Variants in ZNF408 observed in about 807,000 individuals in gnomAD.
ZNF408 encodes the protein PR domain zinc finger protein 17.
Under a neutral mutation model 27.6 loss-of-function variants are expected in ZNF408, and 24 were observed. That is an observed-to-expected ratio of 0.87 (90% CI 0.63 to 1.22). The LOEUF is 1.22. Ranked by LOEUF, ZNF408 falls within the 50% of genes most tolerant of loss-of-function variation. The pLI, the probability that ZNF408 is intolerant of heterozygous loss-of-function variation, is 0.00. For missense variants in ZNF408, 897 were observed against 949.0 expected, an observed-to-expected ratio of 0.95 and a Z score of 0.72; for synonymous variants, 410 against 396.1, an observed-to-expected ratio of 1.04 and a Z score of -0.42.
rs118012896 is a variant in ZNF408, at chr11:46,705,344, G to A, written c.1644G>A (p.Gly548=). 1.1e-4 allele frequency: 177 copies of A among 1,611,052 alleles called. 1 individual carries two copies. In the East Asian group the frequency reaches 3.1e-3, roughly 28 times the overall value. Reference sequence around the variant, plus strand: ...GGCGCCATCTCATCTCACACACCGGGGAGGCCCACTTGTGCCCGGTGTGTG... The same window carrying A: ...GGCGCCATCTCATCTCACACACCGGAGAGGCCCACTTGTGCCCGGTGTGTG... ...ELRRHLISHT[G]EAHLCPVCGK... is the part of the protein sequence containing the mutation. Residue 548 remains glycine, a synonymous_variant, in exon 5 of 5, where the codon GGG becomes GGA. Coordinates refer to ENST00000311764, the MANE Select transcript of ZNF408 (RefSeq NM_024741.3). This position sits in a 1 kb window ranked among gnomAD's most constrained non-coding sequence, Gnocchi z 6.5.
rs1401128860 is a variant in ZNF408, at chr11:46,701,065, G to T, written c.18G>T (p.Glu6Asp). The change falls in exon 1 of 5, where the codon GAG becomes GAT. Residue 6 changes from glutamate to aspartate, a missense_variant. Glu to Asp is a conservative substitution (Grantham distance 45). Transcript: ENST00000311764. ...GACCCGGAATGGAGGAGGCGGAGGA[G>T]CTGCTCTTGGAGGGGAAGAAGGCGC... The part of the protein sequence containing the change: MEEAE[E>D]LLLEGKKALQ... 6.2e-7 allele frequency: 1 copy of T among 1,614,180 alleles called. No individual in the cohort carries two copies. The highest frequency in any genetic ancestry group is 8.5e-7 in the Non-Finnish European group (1 of 1,180,030).
chr11:46,703,748 TG>T (rs1424597977), intron 4 of ZNF408, among the ~76,000 whole-genome samples: 9 of 119,826 alleles, frequency 7.5e-5, no homozygotes, highest in African/African-American at 1.3e-4. Flanking sequence ...TTTGTTTTGT[TG>T]TTGTTGTTGT....
intron 3 of ZNF408, 33 bp from the exon 4 acceptor site, chr11:46,702,951 C>T (rs748526701): frequency 1.2e-6 from 2 of 1,610,962 alleles, no homozygotes; most frequent in South Asian, 1.1e-5. Flanking sequence ...GAATAGTGAG[C>T]ATCTCCTAGC....
At chr11:46,703,762 TTGTTG>T (rs2064728916) in intron 4 of ZNF408, among the ~76,000 whole-genome samples, 1 of 77,642 alleles carries the variant, frequency 1.3e-5, no homozygotes, top group Non-Finnish European at 2.5e-5. Flanking sequence ...GTTGTTGTTG[TTGTTG>T]TTGTTTTTTT....
At chr11:46,704,255 AG>A in intron 4 of ZNF408, 97 bp from the exon 5 acceptor site, 3 of 1,312,834 alleles carry the variant, frequency 2.3e-6, no homozygotes, top group Admixed American at 4.6e-5. Context: ...TCTAAGGCTC[AG>A]GGGCTGGGTG....
intron 1 of ZNF408, 41 bp downstream of exon 1, chr11:46,701,140 A>T: frequency 2.5e-6 from 4 of 1,613,940 alleles, no homozygotes; most frequent in Non-Finnish European, 3.4e-6. Flanking sequence ...ACCTTGGCCC[A>T]GGTGGATCTG....
Position 46,704,990 on chromosome 11 carries a change from A to G in ZNF408, c.1290A>G (p.Val430=), listed in dbSNP as rs778690840. 41 of 1,613,248 alleles carry G rather than the reference A, an allele frequency of 2.5e-5. No individual in the cohort carries two copies. The highest frequency in any genetic ancestry group is 3.2e-5 in the Non-Finnish European group (38 of 1,179,976). ...GAGACCTCAAAGAGCACCAGGTGGTACATTCAGGTGCCCGGCCCTTTGCTT... is the reference window on the plus strand; with the variant it reads ...GAGACCTCAAAGAGCACCAGGTGGTGCATTCAGGTGCCCGGCCCTTTGCTT... The part of the protein sequence containing the change: ...TQRDLKEHQV[V]HSGARPFACD... The change falls in exon 5 of 5, where the codon GTA becomes GTG. Residue 430 remains valine (V), a synonymous_variant. Coordinates refer to ENST00000311764, the MANE Select transcript of ZNF408 (RefSeq NM_024741.3).
chr11:46,702,880 G>A, intron 3 of ZNF408, 104 bp from the exon 4 acceptor site: 3 of 1,595,788 alleles, frequency 1.9e-6, no homozygotes, highest in Non-Finnish European at 2.6e-6. Context: ...ATGTTCCAAA[G>A]GCACGGCGTC....
Position 46,703,234 on chromosome 11 carries a change from C to A in ZNF408, c.643C>A (p.Pro215Thr). 2 of 1,612,366 alleles carry A rather than the reference C, an allele frequency of 1.2e-6. No homozygotes were observed. The highest frequency in any genetic ancestry group is 1.7e-6 in the Non-Finnish European group (2 of 1,179,186). ...CTCCCCTGGGGAGGATGCAGCAGAA[C>A]CTTGCATAGGTATGTGTCAAATAAA... Reference protein sequence around the residue: ...VASPGEDAAEPCIDPGSQSPS... With the variant: ...VASPGEDAAETCIDPGSQSPS... Residue 215 changes from proline (P) to threonine (T), a missense_variant, in exon 4 of 5, where the codon CCT becomes ACT. Coordinates refer to ENST00000311764, the MANE Select transcript of ZNF408 (RefSeq NM_024741.3).
intron 1 of ZNF408, 58 bp downstream of exon 1, chr11:46,701,157 T>A: frequency 6.2e-7 from 1 of 1,613,430 alleles, no homozygotes; most frequent in Non-Finnish European, 8.5e-7. Flanking sequence ...TCTGACGCTC[T>A]GTGGTCAGCT....
chr11:46,701,096 C>T lies in ZNF408; in HGVS notation c.49C>T (p.Leu17Phe), dbSNP rs778672425. 3 of 1,614,128 alleles carry T rather than the reference C, an allele frequency of 1.9e-6. No individual in the cohort carries two copies. The highest frequency in any genetic ancestry group is 1.7e-4 in the Middle Eastern group (1 of 6,060). ...LLLEGKKALQ[L>F]AREPRLGLDL... ...CTTGGAGGGGAAGAAGGCGCTGCAA[C>T]TCGGTGAGTGACCTGCGATGTCCGC... is the stretch of plus-strand genomic sequence containing the variant. The change falls in exon 1 of 5, where the codon CTC (leucine) becomes TTC (phenylalanine). Residue 17 changes from leucine to phenylalanine, a missense_variant. Transcript: ENST00000311764.
In ZNF408 at chr11:46,702,774, G is replaced by C; in HGVS notation, c.392+9G>C. 6.2e-7 allele frequency: 1 copy of C among 1,614,114 alleles called. No homozygotes were observed. The highest frequency in any genetic ancestry group is 8.5e-7 in the Non-Finnish European group (1 of 1,179,922). ...AGTTCTGGCTGGACTAGGTAAGTCAGAGGAGAGTGTGTCGTTCCTTTGAGG... is the reference window on the plus strand; with the variant it reads ...AGTTCTGGCTGGACTAGGTAAGTCACAGGAGAGTGTGTCGTTCCTTTGAGG... On this transcript the variant is annotated intron_variant, in intron 3 of 4. Coordinates refer to ENST00000311764, the MANE Select transcript of ZNF408 (RefSeq NM_024741.3).
In ZNF408 at chr11:46,701,538, C is replaced by A. The variant is rs763345714; in HGVS notation, c.192C>A (p.Gly64=). 6.2e-7 allele frequency: 1 copy of A among 1,613,650 alleles called. No homozygotes were observed. The highest frequency in any genetic ancestry group is 1.3e-5 in the African/African-American group (1 of 74,920). Residue 64 remains glycine (G), a synonymous_variant, in exon 2 of 5, where the codon GGC becomes GGA. Coordinates refer to ENST00000311764, the MANE Select transcript of ZNF408 (RefSeq NM_024741.3). ...LKSLPRGLAL[G]PSLAKEQRLG... ...GCCTTCCCCGGGGCTTGGCCCTTGGCCCCTCACTCGCCAAGGAACAGCGCT... is the reference window on the plus strand; with the variant it reads ...GCCTTCCCCGGGGCTTGGCCCTTGGACCCTCACTCGCCAAGGAACAGCGCT...
rs756393307 is a variant in ZNF408 at position 46,701,688 on chromosome 11, T to C, written c.330+12T>C. The C allele has an allele frequency of 9.1e-6, 14 of 1,540,494 alleles. No individual in the cohort carries two copies. The highest frequency in any genetic ancestry group is 4.8e-5 in the East Asian group (2 of 42,008). ...CACGGCAGGAGGAGGTATTGAAGGA[T>C]AGAGCGACTTCCCTCCGCCCTTGAA... On this transcript the variant is annotated intron_variant, in intron 2 of 4. Transcript: ENST00000311764.
chr11:46,702,770 G>T lies in ZNF408; in HGVS notation c.392+5G>T. On this transcript the variant is annotated splice_donor_5th_base_variant and intron_variant, in intron 3 of 4. Coordinates refer to ENST00000311764, the MANE Select transcript of ZNF408 (RefSeq NM_024741.3). ...GCAGAGTTCTGGCTGGACTAGGTAA[G>T]TCAGAGGAGAGTGTGTCGTTCCTTT... The T allele has an allele frequency of 6.2e-7, 1 of 1,614,182 alleles. No individual in the cohort carries two copies. The highest frequency in any genetic ancestry group is 8.5e-7 in the Non-Finnish European group (1 of 1,179,980).
At position 46,705,088 on chromosome 11, in the gene ZNF408, CTGCCCCTGCCCCT is replaced by C. The variant is rs1565695580; in HGVS notation, c.1394_1406del (p.Pro465HisfsTer19). 1 of 1,612,418 alleles carries C rather than the reference CTGCCCCTGCCCCT, an allele frequency of 6.2e-7. No homozygotes were observed. Among genetic ancestry groups the C allele is most frequent in the Admixed American group, 1.7e-5 (1 of 60,012 alleles). On this transcript the variant is annotated frameshift_variant, in exon 5 of 5. Transcript: ENST00000311764. LOFTEE classifies it low-confidence loss of function (END_TRUNC). This position sits in a 1 kb window ranked among gnomAD's most constrained non-coding sequence, Gnocchi z 6.5. ...CATCGCAAGACCCACCAGGTGCCAGCTGCCCCTGCCCCTTGCCCATGCCCTGTGTGTGGGCGGC... is the reference window on the plus strand; with the variant it reads ...CATCGCAAGACCCACCAGGTGCCAGCTGCCCATGCCCTGTGTGTGGGCGGC...
At chr11:46,703,986 C>A (rs185917807) in intron 4 of ZNF408, among the ~76,000 whole-genome samples, 3 of 151,834 alleles carry the variant, frequency 2.0e-5, no homozygotes, top group African/African-American at 7.2e-5. Flanking sequence ...CCTGTCTCTG[C>A]CTCCCAAGAT....
intron 3 of ZNF408, 62 bp from the exon 4 acceptor site, chr11:46,702,922 C>A: frequency 6.2e-7 from 1 of 1,602,026 alleles, no homozygotes; most frequent in Non-Finnish European, 8.5e-7. Context: ...GGGACTGGGG[C>A]TTTCGGGGAA....
In ZNF408 at chr11:46,701,287, A is replaced by G. The variant is rs1592397159; in HGVS notation, c.53-112A>G. The G allele has an allele frequency of 6.4e-6, 10 of 1,559,266 alleles. No homozygotes were observed. In the South Asian group the frequency reaches 1.0e-4, roughly 16 times the overall value. On this transcript the variant is annotated intron_variant, in intron 1 of 4. Coordinates refer to ENST00000311764, the MANE Select transcript of ZNF408 (RefSeq NM_024741.3). ...TTTCAGGGCCCTCCTTAGAGCCCTCACCTGTCCCTCGGGCTCCGCAGGCCC... is the reference window on the plus strand; with the variant it reads ...TTTCAGGGCCCTCCTTAGAGCCCTCGCCTGTCCCTCGGGCTCCGCAGGCCC...
Sources: allele counts gnomAD v4.1 joint callset (sites outside exome capture counted in the v4.1 genomes callset), GRCh38; gene constraint gnomAD v4.1.1; non-coding constraint Gnocchi (gnomAD v3.1); transcripts MANE v1.5; gene names NCBI Gene and HGNC (gene_info 2026-07-23, HGNC 2026-07-21).